The following POLD1 variants were observed in gnomAD, a reference collection of about 807,000 sequenced individuals.
POLD1 encodes DNA polymerase delta 1, catalytic subunit.
A neutral mutation model predicts 129.7 loss-of-function variants in POLD1; 79 were observed. That is an observed-to-expected ratio of 0.61 (90% CI 0.51 to 0.73). POLD1 has a LOEUF of 0.73. Ranked by LOEUF, POLD1 falls within the 30% of genes least tolerant of loss-of-function variation. The pLI, the probability that POLD1 is intolerant of heterozygous loss-of-function variation, is 0.00. For missense variants in POLD1, 1,338 were observed against 1,595.8 expected (o/e 0.84, Z 2.75); for synonymous variants, 714 against 683.3 (o/e 1.04, Z -0.70).
rs766158800 is a variant in POLD1 at position 50,406,308 on chromosome 19, A to G, written c.1369A>G (p.Met457Val). 6.2e-7 allele frequency: 1 copy of G among 1,613,948 alleles called. No individual in the cohort carries two copies. The highest frequency in any genetic ancestry group is 8.5e-7 in the Non-Finnish European group (1 of 1,179,944). The change falls in exon 11 of 27, where the codon ATG becomes GTG. Residue 457 changes from methionine to valine, a missense_variant. By Grantham distance (21) the Met-to-Val change is conservative. Coordinates refer to ENST00000440232, the MANE Select transcript of POLD1 (RefSeq NM_002691.4). This position sits in a 1 kb window ranked among gnomAD's most constrained non-coding sequence, Gnocchi z 5.5. ...KVVSMVGRVQ[M>V]DMLQVLLREY... ...TGTCAGCATGGTGGGCCGCGTGCAG[A>G]TGGACATGCTGCAGGTATGGGCGGG...
At chr19:50,407,871 C>T (rs1487378508) in intron 14 of POLD1, among the ~76,000 whole-genome samples, 2 of 150,562 alleles carry the variant, frequency 1.3e-5, no homozygotes, top group African/African-American at 4.9e-5. Context: ...CGTGCCCGGC[C>T]GAAAAAATTT....
At chr19:50,415,963 GGGTGTGGCCTCGGCCCCCTCT>G in intron 22 of POLD1, 137 bp downstream of exon 22, 1 of 650,476 alleles carries the variant, frequency 1.5e-6, no homozygotes, top group Non-Finnish European at 2.6e-6. Flanking sequence ...ATGGCAGCCT[GGGTGTGGCCTCGGCCCCCTCT>G]GGAGGTCCCC....
chr19:50,396,067 GT>G (rs1282753631), intron 1 of POLD1, among the ~76,000 whole-genome samples: 1 of 140,188 alleles, frequency 7.1e-6, no homozygotes, highest in Admixed American at 7.1e-5. Context: ...GGTTTTAATT[GT>G]TGTTGTTGGT....
chr19:50,395,258 ACTT>A (rs1456309398), intron 1 of POLD1: 1 of 143,588 alleles, frequency 7.0e-6, no homozygotes, highest in Non-Finnish European at 1.5e-5. Context: ...CTTTTTAAAA[ACTT>A]CTTTCTCTGA....
At chr19:50,398,631 G>A (rs2038458387) in intron 1 of POLD1, among the ~76,000 whole-genome samples, 1 of 150,816 alleles carries the variant, frequency 6.6e-6, no homozygotes, top group Non-Finnish European at 1.5e-5. Flanking sequence ...ATGGGAGAGA[G>A]GGTCGGGGAG....
chr19:50,409,304 C>T lies in POLD1; in HGVS notation c.2006+69C>T. 9.4e-6 allele frequency: 12 copies of T among 1,274,466 alleles called. No homozygotes were observed. The highest frequency in any genetic ancestry group is 1.4e-5 in the Non-Finnish European group (12 of 879,514). The allele number at this position is 1,274,466 out of a possible 1,614,324, so 78.9% of individuals were successfully genotyped here. On this transcript the variant is annotated intron_variant, in intron 16 of 26. Coordinates refer to ENST00000440232, the MANE Select transcript of POLD1 (RefSeq NM_002691.4). This position sits in a 1 kb window ranked among gnomAD's most constrained non-coding sequence, Gnocchi z 5.8. Reference sequence around the variant, plus strand: ...GCCTCTGGGCAATCCCTGTCCCTCACTGGGACACCCCAGGGCTGCCCAGCC... The same window carrying T: ...GCCTCTGGGCAATCCCTGTCCCTCATTGGGACACCCCAGGGCTGCCCAGCC...
intron 1 of POLD1, among the ~76,000 whole-genome samples, chr19:50,391,916 C>T (rs28757373): frequency 2.6e-5 from 4 of 151,664 alleles, no homozygotes; most frequent in African/African-American, 9.7e-5. Flanking sequence ...GGGTTTTCAC[C>T]ACGTTGGCCA....
At chr19:50,389,467 AC>A (rs113867850) in intron 1 of POLD1, among the ~76,000 whole-genome samples, 2 of 152,194 alleles carry the variant, frequency 1.3e-5, no homozygotes, top group African/African-American at 4.8e-5. Context: ...CTGCAGAACT[AC>A]AGTGTCATTG....
In POLD1 at chr19:50,413,820, G is replaced by T. The variant is rs1487474161; in HGVS notation, c.2329G>T (p.Glu777Ter). ...SVAEAMALGR[E>*]AADWVSGHFP... ...GGCTGAGGCGATGGCCCTGGGGCGG[G>T]AGGCCGCGGACTGGGTGTCAGGTCA... The change falls in exon 19 of 27, where the codon GAG becomes TAG. Residue 777 changes from glutamate to a stop codon, truncating the protein, a stop_gained. Coordinates refer to ENST00000440232, the MANE Select transcript of POLD1 (RefSeq NM_002691.4). LOFTEE classifies it high-confidence loss of function. The T allele has an allele frequency of 6.2e-7, 1 of 1,612,496 alleles. No homozygotes were observed. The highest frequency in any genetic ancestry group is 1.1e-5 in the South Asian group (1 of 90,988).
Position 50,401,979 on chromosome 19 carries a change from G to T in POLD1, c.464-20G>T, listed in dbSNP as rs2122236552. Reference sequence around the variant, plus strand: ...AGCCACTGGAGCCCCCTGCACCTCTGATCATCCCTCCCACACCAGGTTTCG... The same window carrying T: ...AGCCACTGGAGCCCCCTGCACCTCTTATCATCCCTCCCACACCAGGTTTCG... On this transcript the variant is annotated intron_variant, in intron 4 of 26. Transcript: ENST00000440232. The T allele has an allele frequency of 6.2e-7, 1 of 1,614,058 alleles. No individual in the cohort carries two copies. The highest frequency in any genetic ancestry group is 1.3e-5 in the African/African-American group (1 of 75,028).
intron 1 of POLD1, chr19:50,395,002 AT>A (rs113163456): frequency 0.17 from 22,849 of 133,324 alleles, 2,510 homozygotes; most frequent in African/African-American, 0.33. Flanking sequence ...TGCCCAGCTA[AT>A]TTTTTTTTTT....
At position 50,402,247 on chromosome 19, in the gene POLD1, G is replaced by T. The variant is rs373192520; in HGVS notation, c.632G>T (p.Arg211Leu). The T allele has an allele frequency of 3.1e-6, 5 of 1,597,058 alleles. No homozygotes were observed. The highest frequency in any genetic ancestry group is 8.5e-7 in the Non-Finnish European group (1 of 1,170,870). The change falls in exon 6 of 27, where the codon CGC (arginine) becomes CTC (leucine). Residue 211 changes from arginine to leucine, a missense_variant. Physicochemically the swap from Arg to Leu is moderately radical, Grantham distance 102 (BLOSUM62 -2). Coordinates refer to ENST00000440232, the MANE Select transcript of POLD1 (RefSeq NM_002691.4). ...YHGHGPSPFL[R>L]ITVALPRLVA... ...GGGCACGGCCCCTCCCCGTTCCTGC[G>T]CATCACCGTGGCGCTGCCGCGCCTC...
At chr19:50,403,401 T>G in intron 9 of POLD1, 92 bp from the exon 10 acceptor site, 1 of 1,204,912 alleles carries the variant, frequency 8.3e-7, no homozygotes, top group Non-Finnish European at 1.2e-6. Flanking sequence ...TGCAGGATTT[T>G]CAGGGGTGGC....
chr19:50,401,811 C>T lies in POLD1; in HGVS notation c.350C>T (p.Pro117Leu). ...CAGCCTGTGCCTGGGGGGCCCCCACCATCCCGCGGCTCCGTGCCTGTGCTC... is the reference window on the plus strand; with the variant it reads ...CAGCCTGTGCCTGGGGGGCCCCCACTATCCCGCGGCTCCGTGCCTGTGCTC... ...PAQPVPGGPP[P>L]SRGSVPVLRA... The change falls in exon 4 of 27, where the codon CCA becomes CTA. Residue 117 changes from proline (P) to leucine (L), a missense_variant. Coordinates refer to ENST00000440232, the MANE Select transcript of POLD1 (RefSeq NM_002691.4). The T allele has an allele frequency of 6.2e-7, 1 of 1,613,490 alleles. No individual in the cohort carries two copies. The highest frequency in any genetic ancestry group is 8.5e-7 in the Non-Finnish European group (1 of 1,179,894).
At position 50,403,311 on chromosome 19, in the gene POLD1, T is replaced by C. The variant is rs927484405; in HGVS notation, c.1137+92T>C. On this transcript the variant is annotated intron_variant, in intron 9 of 26. Transcript: ENST00000440232. ...CAGCTCCTGGGTGCTGCGACGCCCA[T>C]GTCTGTGGGTCTGGGTGGGTGTCTG... The C allele has an allele frequency of 4.5e-6, 6 of 1,334,344 alleles. No individual in the cohort carries two copies. The Admixed American group carries it at 1.1e-4, about 25-fold the overall frequency. 82.7% of individuals were successfully genotyped at this position (1,334,344 alleles called of 1,614,324 possible). A position where few individuals can be genotyped will look rare whatever the true frequency, so the allele number is the denominator to read the frequency against.
At chr19:50,390,150 C>T (rs2038106200) in intron 1 of POLD1, among the ~76,000 whole-genome samples, 2 of 152,024 alleles carry the variant, frequency 1.3e-5, no homozygotes, top group Non-Finnish European at 2.9e-5. Context: ...CTCAGGTAAT[C>T]CACCCACCTC....
chr19:50,406,055 G>A lies in POLD1; in HGVS notation c.1243-127G>A, dbSNP rs902972379. 2.7e-6 allele frequency: 3 copies of A among 1,108,196 alleles called. No homozygotes were observed. The highest frequency in any genetic ancestry group is 3.9e-6 in the Non-Finnish European group (3 of 764,506). The allele number at this position is 1,108,196 out of a possible 1,614,324, so 68.6% of individuals were successfully genotyped here. A position where few individuals can be genotyped will look rare whatever the true frequency, so the allele number is the denominator to read the frequency against. Reference sequence around the variant, plus strand: ...ACACCCAGCCCCAGACCGTCTTTCTGCCCCCAGGGTTGCTCTCGACCCCCT... The same window carrying A: ...ACACCCAGCCCCAGACCGTCTTTCTACCCCCAGGGTTGCTCTCGACCCCCT... On this transcript the variant is annotated intron_variant, in intron 10 of 26. Coordinates refer to ENST00000440232, the MANE Select transcript of POLD1 (RefSeq NM_002691.4). The surrounding 1 kb of genome is among the most constrained non-coding windows in gnomAD (Gnocchi z 5.5).
intron 1 of POLD1, chr19:50,395,188 T>G (rs2038307490): frequency 6.8e-6 from 1 of 147,724 alleles, no homozygotes; most frequent in Non-Finnish European, 1.5e-5. Context: ...CAATTTCAAA[T>G]TAACAGGAAG....
rs771789997 is a variant in POLD1 at position 50,416,625 on chromosome 19, G to A, written c.2969G>A (p.Arg990His). The change falls in exon 24 of 27, where the codon CGC (arginine) becomes CAC (histidine). Residue 990 changes from arginine to histidine, a missense_variant. Physicochemically the swap from Arg to His is conservative, Grantham distance 29. Transcript: ENST00000440232. Reference protein sequence around the residue: ...EAVLLRGDHTRCKTVLTGKVG... With the variant: ...EAVLLRGDHTHCKTVLTGKVG... Reference sequence around the variant, plus strand: ...TCTCCTGCAGGGGGGGACCACACGCGCTGCAAGACGGTGCTCACGGGCAAG... The same window carrying A: ...TCTCCTGCAGGGGGGGACCACACGCACTGCAAGACGGTGCTCACGGGCAAG... 1.0e-5 allele frequency: 16 copies of A among 1,563,992 alleles called. No homozygotes were observed. Among genetic ancestry groups the A allele is most frequent in the Admixed American group, 1.9e-5 (1 of 53,368 alleles).
Sources: gnomAD v4.1 joint callset for allele counts (sites outside exome capture counted in the v4.1 genomes callset) on GRCh38, gnomAD v4.1.1 for gene constraint, Gnocchi (gnomAD v3.1) non-coding constraint, MANE v1.5 for transcripts, NCBI Gene and HGNC (gene_info 2026-07-23, HGNC 2026-07-21) for gene names.